DST: variants seen among roughly 807,000 people sequenced by gnomAD.
DST encodes bullous pemphigoid antigen.
In DST, 253 loss-of-function variants were observed where a neutral mutation model predicts 875.2. That is an observed-to-expected ratio of 0.29 (90% confidence interval 0.26 to 0.32). The LOEUF (loss-of-function observed/expected upper bound fraction) is 0.32, where lower values mean the gene tolerates loss of function less well. Among genes scored for constraint, DST ranks in the 10% least tolerant of loss-of-function variants. The probability of loss-of-function intolerance (pLI) is 1.00; values close to 1 mark genes in which losing one functional copy is unlikely to be tolerated. For missense variants in DST, 8,287 were observed against 9,111.6 expected, an observed-to-expected ratio of 0.91 and a Z score of 3.68; for synonymous variants, 3,124 against 3,197.1, an observed-to-expected ratio of 0.98 and a Z score of 0.77.
intron 5 of DST, among the ~76,000 whole-genome samples, chr6:56,719,343 C>T (rs148484714): frequency 4.6e-5 from 7 of 152,262 alleles, no homozygotes; most frequent in African/African-American, 1.7e-4. Context: ...TAAGGAAAAT[C>T]TGTCAGTGTC....
In DST at chr6:56,561,542, T is replaced by A. The variant is rs1170645171; in HGVS notation, c.14076A>T (p.Thr4692=). The A allele has an allele frequency of 3.7e-6, 6 of 1,611,942 alleles. No individual in the cohort carries two copies. Among genetic ancestry groups the A allele is most frequent in the Non-Finnish European group, 2.5e-6 (3 of 1,178,862 alleles). ...TGTCAGTCATGTCCTTTTTAATGGA[T>A]GTTAAACCTAGGAGTAAGAAAAACA... The part of the protein sequence containing the change: ...TEEFWANKGL[T]SIKKDMTDIS... The change falls in exon 57 of 104, where the codon ACA becomes ACT. Residue 4692 remains threonine (T), a synonymous_variant. Transcript: ENST00000680361.
At chr6:56,623,274 G>A (rs1449536322) in intron 36 of DST, among the ~76,000 whole-genome samples, 2 of 152,072 alleles carry the variant, frequency 1.3e-5, no homozygotes, top group Admixed American at 6.6e-5. Context: ...TACATACTAT[G>A]AGAAAAGAAC....
chr6:56,667,340 T>C (rs768972962), intron 10 of DST, among the ~76,000 whole-genome samples: 14 of 152,254 alleles, frequency 9.2e-5, no homozygotes, highest in Admixed American at 2.0e-4. Context: ...CAGTGAGAAA[T>C]ACACACAATT....
At chr6:56,706,515 G>A (rs1440729203) in intron 5 of DST, among the ~76,000 whole-genome samples, 2 of 152,120 alleles carry the variant, frequency 1.3e-5, no homozygotes, top group Middle Eastern at 3.2e-3. Flanking sequence ...TGATATGTAC[G>A]CGAACAGATA....
rs764678329 is a variant in DST at position 56,634,971 on chromosome 6, T to C, written c.3187-18A>G. 9 of 1,599,880 alleles carry C rather than the reference T, an allele frequency of 5.6e-6. No homozygotes were observed. In the African/African-American group the frequency reaches 1.2e-4, roughly 21 times the overall value. ...TTCTCTTCCTAAGTAATAAATACAGTGAATTTTAAGAAGTAAAAGACTTGT... is the reference window on the plus strand; with the variant it reads ...TTCTCTTCCTAAGTAATAAATACAGCGAATTTTAAGAAGTAAAAGACTTGT... On this transcript the variant is annotated intron_variant, in intron 24 of 103. Coordinates refer to ENST00000680361, the MANE Select transcript of DST (RefSeq NM_001374736.1).
intron 13 of DST, among the ~76,000 whole-genome samples, chr6:56,646,620 A>G (rs2098944347): frequency 6.6e-6 from 1 of 150,510 alleles, no homozygotes; most frequent in Admixed American, 6.6e-5. Flanking sequence ...CTATCCTTCA[A>G]AAAAAAAAAA....
chr6:56,463,054 A>T lies in DST; in HGVS notation c.23062T>A (p.Ser7688Thr), dbSNP rs1582002116. Residue 7688 changes from serine to threonine, a missense_variant, in exon 102 of 104, where the codon TCT becomes ACT. Ser to Thr is a moderately conservative substitution (Grantham distance 58, BLOSUM62 1). Transcript: ENST00000680361. The stretch of plus-strand genomic sequence containing the variant: ...CTGGGGCCTTACAATACCTCTGCAG[A>T]TGGCACGGGAAAGTCTGAGCACTCT... Reference protein sequence around the residue: ...AAECSDFPVPSAEGTPIQGSK... With the variant: ...AAECSDFPVPTAEGTPIQGSK... 1 of 1,607,290 alleles carries T rather than the reference A, an allele frequency of 6.2e-7. No individual in the cohort carries two copies. Among genetic ancestry groups the T allele is most frequent in the Non-Finnish European group, 8.5e-7 (1 of 1,174,986 alleles).
At position 56,574,035 on chromosome 6, in the gene DST, A is replaced by G. The variant is rs561045672; in HGVS notation, c.13028-148T>C. On this transcript the variant is annotated intron_variant, in intron 50 of 103. Coordinates refer to ENST00000680361, the MANE Select transcript of DST (RefSeq NM_001374736.1). ...GATAAATTCCTAATGCATAATCAGA[A>G]CACCACCTAAAATGTTAAAATATAA... The G allele has an allele frequency of 9.1e-4, 508 of 556,352 alleles. 6 individuals carry two copies. In the South Asian group the frequency reaches 0.012, roughly 14 times the overall value. The allele number at this position is 556,352 out of a possible 1,614,324, so 34.5% of individuals were successfully genotyped here. A position where few individuals can be genotyped will look rare whatever the true frequency, so the allele number is the denominator to read the frequency against.
intron 10 of DST, among the ~76,000 whole-genome samples, chr6:56,658,306 T>G (rs2099020889): frequency 6.6e-6 from 1 of 152,238 alleles, no homozygotes; most frequent in Non-Finnish European, 1.5e-5. Context: ...TCAGGTGTCC[T>G]GTGATTTAGT....
chr6:56,844,404 C>G (rs1307880591), intron 4 of DST, among the ~76,000 whole-genome samples: 1 of 152,244 alleles, frequency 6.6e-6, no homozygotes, highest in Non-Finnish European at 1.5e-5. Flanking sequence ...TATTTATCAC[C>G]TCCCTCCTGC....
Position 56,640,074 on chromosome 6 carries a change from A to G in DST, c.2491-17T>C. On this transcript the variant is annotated splice_polypyrimidine_tract_variant and intron_variant, in intron 18 of 103. Transcript: ENST00000680361. ...CAGTTGTACCTTCAGACAGTAAAATACTAAGTTTAAAAAAGAAATTGATAA... is the reference window on the plus strand; with the variant it reads ...CAGTTGTACCTTCAGACAGTAAAATGCTAAGTTTAAAAAAGAAATTGATAA... 6.2e-7 allele frequency: 1 copy of G among 1,614,038 alleles called. No individual in the cohort carries two copies. The highest frequency in any genetic ancestry group is 8.5e-7 in the Non-Finnish European group (1 of 1,179,924).
intron 5 of DST, among the ~76,000 whole-genome samples, chr6:56,725,257 T>C (rs1224394167): frequency 6.6e-6 from 1 of 152,218 alleles, no homozygotes. Flanking sequence ...TATCTTAGAA[T>C]AACTTACCAC....
intron 4 of DST, chr6:56,843,194 T>A: frequency 6.7e-7 from 1 of 1,501,196 alleles, no homozygotes; most frequent in Non-Finnish European, 9.0e-7. Context: ...CTCCCCCTCG[T>A]AACCCCCGGA....
rs1232678819 is a variant in DST at position 56,615,273 on chromosome 6, G to C, written c.4930-789C>G. ...TCTACGTAAAAAAAAAAACATTTTA[G>C]TGTGGCCAAGTTTCAAAAAACCATT... On this transcript the variant is annotated intron_variant, in intron 36 of 103. Coordinates refer to ENST00000680361, the MANE Select transcript of DST (RefSeq NM_001374736.1). 3 of 1,269,536 alleles carry C rather than the reference G, an allele frequency of 2.4e-6. No homozygotes were observed. In the Admixed American group the frequency reaches 1.0e-4, roughly 44 times the overall value. The allele number at this position is 1,269,536 out of a possible 1,614,324, so 78.6% of individuals were successfully genotyped here.
In DST at chr6:56,843,650, C is replaced by T. The variant is rs2099803391; in HGVS notation, c.625+7747G>A. ...GGGATGCTGCGCGGCGCATCTGCGGCATTTCCTGGCCGCCGCGCCGCAGAC... is the reference window on the plus strand; with the variant it reads ...GGGATGCTGCGCGGCGCATCTGCGGTATTTCCTGGCCGCCGCGCCGCAGAC... On this transcript the variant is annotated intron_variant, in intron 4 of 103. Transcript: ENST00000680361. 9.1e-6 allele frequency: 9 copies of T among 983,660 alleles called. No individual in the cohort carries two copies. The South Asian group carries it at 3.8e-4, about 41-fold the overall frequency. The allele number at this position is 983,660 out of a possible 1,614,324, so 60.9% of individuals were successfully genotyped here.
At chr6:56,497,704 C>T (rs1243307272) in intron 81 of DST, 152 bp downstream of exon 81, 2 of 955,228 alleles carry the variant, frequency 2.1e-6, no homozygotes, top group African/African-American at 3.3e-5. Flanking sequence ...AAGCTGTGTT[C>T]TCTTCTGCTG....
intron 3 of DST, among the ~76,000 whole-genome samples, chr6:56,893,605 A>ATTTTTTT (rs1789045571): frequency 1.6e-5 from 1 of 63,402 alleles, no homozygotes; most frequent in Non-Finnish European, 2.8e-5. Flanking sequence ...TTTATTTTTT[A>ATTTTTTT]TTTTTTATTT....
intron 15 of DST, among the ~76,000 whole-genome samples, chr6:56,645,390 G>T (rs1482664178): frequency 6.6e-6 from 1 of 152,188 alleles, no homozygotes; most frequent in Non-Finnish European, 1.5e-5. Context: ...AAGCGTGGCA[G>T]AAAGGGAACC....
intron 86 of DST, 33 bp from the exon 87 acceptor site, chr6:56,487,306 C>T (rs778541999): frequency 6.6e-7 from 1 of 1,514,726 alleles, no homozygotes; most frequent in Admixed American, 2.1e-5. Flanking sequence ...ATGCGAATTT[C>T]TTCTTGGGAC....
Sources: gnomAD v4.1 joint callset for allele counts (sites outside exome capture counted in the v4.1 genomes callset) on GRCh38, gnomAD v4.1.1 for gene constraint, MANE v1.5 for transcripts, NCBI Gene and HGNC (gene_info 2026-07-23, HGNC 2026-07-21) for gene names.